Variants in ASPH observed in about 807,000 individuals in gnomAD.
ASPH encodes the protein aspartyl/asparaginyl beta-hydroxylase.
A neutral mutation model predicts 118.4 loss-of-function variants in ASPH; 100 were observed. The observed-to-expected ratio is 0.84, with a 90% CI of 0.72 to 1.00. The LOEUF is 1.00. Among genes scored for constraint, ASPH ranks in the 50% least tolerant of loss-of-function variants. The pLI, the probability that ASPH is intolerant of heterozygous loss-of-function variation, is 0.00. For synonymous variants in ASPH, 315 were observed against 325.6 expected (o/e 0.97, Z 0.35); for missense variants, 920 against 919.5 (o/e 1.00, Z -0.01).
intron 14 of ASPH, among the ~76,000 whole-genome samples, chr8:61,607,804 A>T (rs983179751): frequency 1.3e-5 from 2 of 152,204 alleles, no homozygotes; most frequent in African/African-American, 4.8e-5. Flanking sequence ...TCCCTCAAAC[A>T]TCGTCATCCT....
In ASPH at chr8:61,642,898, A is replaced by G. The variant is rs2150970846; in HGVS notation, c.780T>C (p.Tyr260=). Residue 260 remains tyrosine (Y), a synonymous_variant, in exon 10 of 25, where the codon TAT becomes TAC. Coordinates refer to ENST00000379454, the MANE Select transcript of ASPH (RefSeq NM_004318.4). The part of the protein sequence containing the change: ...HDTDDVTYQV[Y]EEQAVYEPLE... ...AAAGCATTTGCAAACCTTGTTCCTC[A>G]TAGACTTGGTATGTTACATCATCTG... The G allele has an allele frequency of 4.5e-6, 7 of 1,556,626 alleles. No homozygotes were observed. The highest frequency in any genetic ancestry group is 3.4e-4 in the Middle Eastern group (2 of 5,824).
chr8:61,701,481 TA>T, intron 1 of ASPH, among the ~76,000 whole-genome samples: 1 of 152,202 alleles, frequency 6.6e-6, no homozygotes, highest in Non-Finnish European at 1.5e-5. Context: ...AACTATAAAA[TA>T]AATACAAGGG....
At chr8:61,556,376 G>A (rs1023474229) in intron 18 of ASPH, among the ~76,000 whole-genome samples, 8 of 152,150 alleles carry the variant, frequency 5.3e-5, no homozygotes, top group Admixed American at 5.2e-4. Flanking sequence ...AAGGGAAAAT[G>A]GCTTTAAATT....
chr8:61,501,646 G>C lies in ASPH; in HGVS notation c.*1713C>G, dbSNP rs1456273803. On this transcript the variant is annotated 3_prime_UTR_variant, in exon 25 of 25. Transcript: ENST00000379454. ...TCACAAACACCTTTTTACTTTTCAA[G>C]AGTTTGCCTTCTCTTCTCGATTTTA... The C allele has an allele frequency of 6.6e-6, 1 of 152,110 alleles. No individual in the cohort carries two copies. The highest frequency in any genetic ancestry group is 1.5e-5 in the Non-Finnish European group (1 of 68,006). 9.4% of individuals were successfully genotyped at this position (152,110 alleles called of 1,614,324 possible).
intron 3 of ASPH, among the ~76,000 whole-genome samples, chr8:61,680,010 C>T (rs1341742680): frequency 6.8e-6 from 1 of 147,938 alleles, no homozygotes; most frequent in Non-Finnish European, 1.5e-5. Context: ...CCTTTAATCA[C>T]AACTAAAACT....
intron 3 of ASPH, among the ~76,000 whole-genome samples, chr8:61,666,431 ATAAGG>A (rs1386487579): frequency 6.6e-6 from 1 of 152,240 alleles, no homozygotes; most frequent in Non-Finnish European, 1.5e-5. Context: ...TAAGGAAATC[ATAAGG>A]TAAGGTGTTT....
intron 15 of ASPH, chr8:61,579,709 G>A (rs113966121): frequency 1.5e-4 from 169 of 1,105,656 alleles, no homozygotes; most frequent in South Asian, 1.3e-3. Context: ...CCCCTCCTGC[G>A]CTGCCCCAGA....
At chr8:61,587,484 T>C (rs928671296) in intron 14 of ASPH, among the ~76,000 whole-genome samples, 1 of 152,236 alleles carries the variant, frequency 6.6e-6, no homozygotes, top group Non-Finnish European at 1.5e-5. Context: ...TGGGCATCAC[T>C]GGTTTTCCCC....
intron 3 of ASPH, chr8:61,663,907 A>G: frequency 1.1e-6 from 1 of 919,204 alleles, no homozygotes; most frequent in Non-Finnish European, 1.3e-6. Flanking sequence ...TTACACTTAA[A>G]CATACTCATT....
chr8:61,535,012 G>A (rs1818963338), intron 21 of ASPH, among the ~76,000 whole-genome samples: 1 of 152,236 alleles, frequency 6.6e-6, no homozygotes, highest in Non-Finnish European at 1.5e-5. Flanking sequence ...TGGCGGACAT[G>A]CATCCTGGGT....
At chr8:61,658,704 C>G (rs1351115278) in intron 3 of ASPH, 3 of 152,154 alleles carry the variant, frequency 2.0e-5, no homozygotes, top group East Asian at 1.9e-4. Flanking sequence ...TTTACACCCC[C>G]CTCCCTGCCA....
intron 21 of ASPH, among the ~76,000 whole-genome samples, chr8:61,536,657 A>G (rs1819733102): frequency 6.6e-6 from 1 of 152,140 alleles, no homozygotes; most frequent in South Asian, 2.1e-4. Context: ...AATTCAGGGA[A>G]GCCTTCAGTT....
intron 3 of ASPH, among the ~76,000 whole-genome samples, chr8:61,680,018 ACT>A: frequency 6.6e-6 from 1 of 151,318 alleles, no homozygotes. Context: ...CACAACTAAA[ACT>A]CTATTTTCAT....
chr8:61,691,251 G>A (rs570954441), intron 1 of ASPH, among the ~76,000 whole-genome samples: 89 of 152,298 alleles, frequency 5.8e-4, no homozygotes, highest in African/African-American at 1.9e-3. Context: ...TGCATGGTAA[G>A]ATAAAGCCTT....
chr8:61,695,490 A>T lies in ASPH; in HGVS notation c.104-11302T>A, dbSNP rs149591396. Among the ~76,000 whole-genome samples the T allele has an allele frequency of 2.7e-4, 41 of 151,952 alleles. 3 individuals carry two copies. In the East Asian group the frequency reaches 7.8e-3, roughly 29 times the overall value. Reference sequence around the variant, plus strand: ...TCAGCCCAGACTTTTCCCTTTTCCCATGTCAAAGCTGCACCATCACATACA... The same window carrying T: ...TCAGCCCAGACTTTTCCCTTTTCCCTTGTCAAAGCTGCACCATCACATACA... On this transcript the variant is annotated intron_variant, in intron 1 of 24. Coordinates refer to ENST00000379454, the MANE Select transcript of ASPH (RefSeq NM_004318.4).
At chr8:61,579,330 C>T in intron 15 of ASPH, 1 of 1,614,180 alleles carries the variant, frequency 6.2e-7, no homozygotes, top group Non-Finnish European at 8.5e-7. Flanking sequence ...GGCACGGCAG[C>T]TGCGTGAGTA....
At chr8:61,564,448 G>A (rs1587229097) in intron 17 of ASPH, among the ~76,000 whole-genome samples, 1 of 152,046 alleles carries the variant, frequency 6.6e-6, no homozygotes, top group Admixed American at 6.5e-5. Context: ...ACAGGTGCCC[G>A]CCACTATGCC....
intron 3 of ASPH, among the ~76,000 whole-genome samples, chr8:61,670,297 G>GT (rs1315210544): frequency 2.0e-5 from 3 of 151,104 alleles, no homozygotes; most frequent in African/African-American, 7.3e-5. Flanking sequence ...AAGGAAATGT[G>GT]TTTGTTTGTT....
At chr8:61,656,909 T>C (rs1482484872) in intron 3 of ASPH, 1 of 152,246 alleles carries the variant, frequency 6.6e-6, no homozygotes, top group African/African-American at 2.4e-5. Context: ...TTTCTTTCCA[T>C]AAATATGCAG....
Sources: allele counts gnomAD v4.1 joint callset (sites outside exome capture counted in the v4.1 genomes callset), GRCh38; gene constraint gnomAD v4.1.1; transcripts MANE v1.5; gene names NCBI Gene and HGNC (gene_info 2026-07-23, HGNC 2026-07-21).